SLC24A4: variants seen among roughly 807,000 people sequenced by gnomAD.
SLC24A4 encodes sodium/potassium/calcium exchanger 4.
A neutral mutation model predicts 79.0 loss-of-function variants in SLC24A4; 53 were observed. That is an observed-to-expected ratio of 0.67 (90% CI 0.54 to 0.84). The LOEUF is 0.84. SLC24A4 is among the 40% of genes least tolerant of loss of function. The pLI, the probability that SLC24A4 is intolerant of heterozygous loss-of-function variation, is 0.00. For missense variants in SLC24A4, 731 were observed against 822.0 expected (o/e 0.89, Z 1.35); for synonymous variants, 323 against 323.8 (o/e 1.00, Z 0.03).
chr14:92,409,088 C>T (rs762174849), intron 2 of SLC24A4, among the ~76,000 whole-genome samples: 3 of 152,136 alleles, frequency 2.0e-5, no homozygotes, highest in Admixed American at 6.6e-5. Flanking sequence ...GGGACTGGGT[C>T]AGGACGGCCT....
chr14:92,391,810 G>A (rs889036311), intron 2 of SLC24A4, among the ~76,000 whole-genome samples: 3 of 152,218 alleles, frequency 2.0e-5, no homozygotes, highest in Admixed American at 6.5e-5. Context: ...GTCATGTGGC[G>A]GTGTCCTGCT....
intron 2 of SLC24A4, among the ~76,000 whole-genome samples, chr14:92,417,656 C>T (rs796550066): frequency 3.3e-5 from 5 of 152,356 alleles, no homozygotes; most frequent in African/African-American, 1.2e-4. Flanking sequence ...CCTGCAAGCT[C>T]CATTTGTGGT....
chr14:92,416,209 T>C (rs184904537), intron 2 of SLC24A4, among the ~76,000 whole-genome samples: 468 of 152,078 alleles, frequency 3.1e-3, no homozygotes, highest in African/African-American at 0.011. Context: ...ATGTGAGGCC[T>C]AACGTGCCGG....
At chr14:92,338,750 T>G (rs904644140) in intron 2 of SLC24A4, among the ~76,000 whole-genome samples, 2 of 152,210 alleles carry the variant, frequency 1.3e-5, no homozygotes, top group Non-Finnish European at 2.9e-5. Flanking sequence ...AGGAGGCCTA[T>G]TGGGGGCAGT....
At chr14:92,372,221 G>T (rs1888207693) in intron 2 of SLC24A4, among the ~76,000 whole-genome samples, 1 of 152,210 alleles carries the variant, frequency 6.6e-6, no homozygotes, top group Non-Finnish European at 1.5e-5. Context: ...AATGTGTTTA[G>T]GTTTTCTCCC....
chr14:92,467,825 G>A (rs1162754909), intron 12 of SLC24A4, among the ~76,000 whole-genome samples: 2 of 152,150 alleles, frequency 1.3e-5, no homozygotes, highest in African/African-American at 4.8e-5. Context: ...GCTACAAGGG[G>A]GGCTTTTAAG....
intron 2 of SLC24A4, among the ~76,000 whole-genome samples, chr14:92,424,357 T>C (rs951905485): frequency 5.3e-5 from 8 of 152,200 alleles, no homozygotes; most frequent in Non-Finnish European, 1.0e-4. Context: ...TGCTATAAAG[T>C]AACACCTGAG....
intron 12 of SLC24A4, among the ~76,000 whole-genome samples, chr14:92,476,315 A>G (rs528762231): frequency 2.0e-5 from 3 of 152,228 alleles, no homozygotes; most frequent in Non-Finnish European, 1.5e-5. Context: ...CAATCAAGGC[A>G]GGAAAACTTT....
chr14:92,459,563 G>A (rs771815886), intron 12 of SLC24A4, among the ~76,000 whole-genome samples: 5 of 152,166 alleles, frequency 3.3e-5, no homozygotes, highest in Non-Finnish European at 2.9e-5. Context: ...TCCTCTGTGC[G>A]AGTGTCCTCC....
At chr14:92,483,703 C>T in intron 13 of SLC24A4, 1 of 1,200,592 alleles carries the variant, frequency 8.3e-7, no homozygotes, top group Non-Finnish European at 1.1e-6. Flanking sequence ...CTAATGGGGT[C>T]CCTTCTTCTC....
intron 12 of SLC24A4, among the ~76,000 whole-genome samples, chr14:92,482,243 G>C (rs1471683247): frequency 6.6e-6 from 1 of 152,254 alleles, no homozygotes; most frequent in African/African-American, 2.4e-5. Flanking sequence ...GCAAATGCTG[G>C]ATGTGTTGAT....
chr14:92,453,745 A>T, intron 10 of SLC24A4, 155 bp from the exon 11 acceptor site: 3 of 673,634 alleles, frequency 4.5e-6, no homozygotes, highest in African/African-American at 1.9e-5. Context: ...GCCTGACATG[A>T]GGAGTTGAAG....
intron 2 of SLC24A4, among the ~76,000 whole-genome samples, chr14:92,381,734 C>T (rs1888862764): frequency 6.6e-6 from 1 of 151,158 alleles, no homozygotes; most frequent in African/African-American, 2.4e-5. Context: ...CTCAGCCATG[C>T]CTGCACATTG....
chr14:92,452,401 G>C (rs1221920833), intron 10 of SLC24A4: 1 of 152,326 alleles, frequency 6.6e-6, no homozygotes, highest in Non-Finnish European at 1.5e-5. Context: ...GGGGGCTCCT[G>C]CTCCTCAGAG....
intron 10 of SLC24A4, 68 bp downstream of exon 10, chr14:92,449,284 AC>A: frequency 3.3e-5 from 2 of 61,500 alleles, no homozygotes; most frequent in Non-Finnish European, 4.2e-5. Flanking sequence ...TTTTGTGTAC[AC>A]ACACACACAC....
At chr14:92,380,147 G>A in intron 2 of SLC24A4, among the ~76,000 whole-genome samples, 1 of 152,238 alleles carries the variant, frequency 6.6e-6, no homozygotes, top group Non-Finnish European at 1.5e-5. Context: ...CAAAAACGGG[G>A]TGCTCTGCAT....
At chr14:92,423,060 C>G (rs1339489590) in intron 2 of SLC24A4, among the ~76,000 whole-genome samples, 1 of 152,230 alleles carries the variant, frequency 6.6e-6, no homozygotes. Flanking sequence ...ATCCTCCCAC[C>G]TCAGCCTCCC....
At chr14:92,423,149 A>AT (rs1407310511) in intron 2 of SLC24A4, among the ~76,000 whole-genome samples, 4 of 68,364 alleles carry the variant, frequency 5.9e-5, no homozygotes, top group Non-Finnish European at 1.4e-4. Context: ...ATTTCATTTC[A>AT]TTTTTTTTTG....
intron 14 of SLC24A4, among the ~76,000 whole-genome samples, chr14:92,489,868 T>C (rs1404547023): frequency 6.6e-6 from 1 of 152,182 alleles, no homozygotes; most frequent in African/African-American, 2.4e-5. Context: ...TGCCTGCCTC[T>C]TCACCAGGTG....
Sources: gnomAD v4.1 joint callset for allele counts (sites outside exome capture counted in the v4.1 genomes callset) on GRCh38, gnomAD v4.1.1 for gene constraint, MANE v1.5 for transcripts, NCBI Gene and HGNC (gene_info 2026-07-23, HGNC 2026-07-21) for gene names.